The following GARIN4 variants were observed in gnomAD, a reference collection of about 807,000 sequenced individuals.
The protein encoded by GARIN4 is Golgi-associated RAB2 interactor protein 4.
chr1:212,625,694 G>A, the GARIN4 span: 2 of 1,614,036 alleles, frequency 1.2e-6, no homozygotes, highest in Admixed American at 3.3e-5. Flanking sequence ...GCCAGCAACA[G>A]GGGGGATTAA....
chr1:212,624,931 G>A, the GARIN4 span: 3 of 1,613,564 alleles, frequency 1.9e-6, no homozygotes, highest in Non-Finnish European at 1.7e-6. Context: ...GCTCCAGCAT[G>A]AGCATGTTCA....
chr1:212,625,443 C>G, the GARIN4 span: 143 of 1,614,050 alleles, frequency 8.9e-5, no homozygotes, highest in Middle Eastern at 1.6e-4. Context: ...GGCATTCCAG[C>G]TGAAGACATG....
the GARIN4 span, chr1:212,625,834 T>C: frequency 2.5e-6 from 4 of 1,614,158 alleles, no homozygotes; most frequent in Non-Finnish European, 3.4e-6. Flanking sequence ...CCACCATCGG[T>C]GCAGGAGGAA....
At chr1:212,625,065 A>C in the GARIN4 span, 7 of 1,614,198 alleles carry the variant, frequency 4.3e-6, no homozygotes, top group Non-Finnish European at 5.9e-6. Context: ...ATTGATGTGC[A>C]CAACCGTGTC....
the GARIN4 span, chr1:212,625,627 A>G: frequency 3.7e-6 from 6 of 1,614,016 alleles, no homozygotes; most frequent in East Asian, 2.2e-5. Context: ...ACTTTAACAA[A>G]CCCACTAATG....
the GARIN4 span, chr1:212,625,860 C>T: frequency 6.2e-7 from 1 of 1,614,240 alleles, no homozygotes; most frequent in Non-Finnish European, 8.5e-7. Context: ...GGCAACATGG[C>T]CCTTGCAGGC....
the GARIN4 span, chr1:212,625,028 A>G: frequency 1.2e-6 from 2 of 1,614,190 alleles, no homozygotes; most frequent in Non-Finnish European, 1.7e-6. Context: ...GAGCGACTTT[A>G]TCCAGATCAC....
chr1:212,625,829 A>G, the GARIN4 span: 497 of 1,614,242 alleles, frequency 3.1e-4, 1 homozygote, highest in African/African-American at 5.1e-3. Context: ...GGCGGCCACC[A>G]TCGGTGCAGG....
At chr1:212,625,163 G>A in the GARIN4 span, 20 of 1,614,174 alleles carry the variant, frequency 1.2e-5, no homozygotes, top group Admixed American at 1.7e-5. Flanking sequence ...CACCGGCTGC[G>A]AAGAGTATGC....
At chr1:212,625,982 A>G in the GARIN4 span, 2 of 1,614,250 alleles carry the variant, frequency 1.2e-6, no homozygotes, top group Non-Finnish European at 1.7e-6. Context: ...GGGCAGTGTG[A>G]GCCTGGCCAT....
At chr1:212,626,136 G>A in the GARIN4 span, 5 of 1,614,122 alleles carry the variant, frequency 3.1e-6, no homozygotes, top group African/African-American at 2.7e-5. Context: ...GCTGAAGGCT[G>A]CAAGGAGGGG....
chr1:212,624,989 G>A, the GARIN4 span: 16 of 1,614,176 alleles, frequency 9.9e-6, no homozygotes, highest in Middle Eastern at 1.6e-4. Context: ...GGGGGAGTAC[G>A]ATATATTCAA....
the GARIN4 span, chr1:212,625,148 C>A: frequency 3.7e-6 from 6 of 1,614,060 alleles, no homozygotes; most frequent in Non-Finnish European, 1.7e-6. Flanking sequence ...ACTGGCACGA[C>A]CGGCCACCGG....
the GARIN4 span, chr1:212,624,582 G>T: frequency 3.4e-6 from 1 of 290,058 alleles, no homozygotes; most frequent in Non-Finnish European, 6.4e-6. Context: ...CAGGGGGTTA[G>T]GTCCAGAAGA....
the GARIN4 span, chr1:212,624,946 C>T: frequency 6.2e-7 from 1 of 1,613,946 alleles, no homozygotes; most frequent in Non-Finnish European, 8.5e-7. Flanking sequence ...TGTTCAACAC[C>T]ACCATGGGGA....
the GARIN4 span, chr1:212,624,983 G>C: frequency 1.9e-6 from 3 of 1,614,048 alleles, no homozygotes; most frequent in Non-Finnish European, 2.5e-6. Flanking sequence ...GTACAAGGGG[G>C]AGTACGATAT....
chr1:212,624,775 T>G, the GARIN4 span: 1 of 1,439,050 alleles, frequency 6.9e-7, no homozygotes, highest in Non-Finnish European at 9.1e-7. Flanking sequence ...TGCAGAGACA[T>G]CTTTGTGACC....
chr1:212,626,000 G>GT, the GARIN4 span: 1 of 1,614,246 alleles, frequency 6.2e-7, no homozygotes. Flanking sequence ...CATTGCAGGA[G>GT]TAGTACTGAC....
At chr1:212,625,464 C>T in the GARIN4 span, 2 of 1,614,162 alleles carry the variant, frequency 1.2e-6, no homozygotes, top group Non-Finnish European at 1.7e-6. Flanking sequence ...ATGTGGATGC[C>T]TGTGTTTCAG....
Sources: gnomAD v4.1 joint callset for allele counts on GRCh38, gnomAD v4.1.1 for gene constraint, MANE v1.5 for transcripts, NCBI Gene and HGNC (gene_info 2026-07-23, HGNC 2026-07-21) for gene names.